Variants in OCA2 observed in about 807,000 individuals in gnomAD.
OCA2 encodes P protein.
A neutral mutation model predicts 100.2 loss-of-function variants in OCA2; 77 were observed. That is an observed-to-expected ratio of 0.77 (90% CI 0.64 to 0.93). The LOEUF is 0.93. Among genes scored for constraint, OCA2 ranks in the 40% least tolerant of loss-of-function variants. OCA2 has a pLI of 0.00. For synonymous variants in OCA2, 432 were observed against 439.2 expected, an observed-to-expected ratio of 0.98 and a Z score of 0.21; for missense variants, 1,062 against 1,089.1, an observed-to-expected ratio of 0.98 and a Z score of 0.35.
intron 9 of OCA2, among the ~76,000 whole-genome samples, chr15:27,991,792 T>C (rs1047648136): frequency 6.6e-6 from 1 of 152,222 alleles, no homozygotes; most frequent in Admixed American, 6.5e-5. Flanking sequence ...GCATGCATTA[T>C]TCATTTCTTA....
At chr15:27,799,741 T>C (rs998479395) in intron 23 of OCA2, among the ~76,000 whole-genome samples, 2 of 102,562 alleles carry the variant, frequency 2.0e-5, no homozygotes, top group African/African-American at 7.0e-5. Flanking sequence ...CAAGACTCCG[T>C]CTAAAAAAAA....
At chr15:27,726,661 G>C in the OCA2 span, among the ~76,000 whole-genome samples, 1 of 152,220 alleles carries the variant, frequency 6.6e-6, no homozygotes. Flanking sequence ...TCCTGAAGAG[G>C]AGAGACCAGA....
rs149065805 is a variant in OCA2 at position 27,769,706 on chromosome 15, T to C, written c.2433-14234A>G. ...GTTTTTAAACAAAAAGCCATTTGGC[T>C]GTCGCCCTTCTACAAAGGTAACACA... On this transcript the variant is annotated intron_variant, in intron 23 of 23. Coordinates refer to ENST00000354638, the MANE Select transcript of OCA2 (RefSeq NM_000275.3). Among the ~76,000 whole-genome samples, 1,252 of 152,384 alleles carry C rather than the reference T, an allele frequency of 8.2e-3. 19 individuals carry two copies. Among genetic ancestry groups the C allele is most frequent in the African/African-American group, 0.028 (1,168 of 41,594 alleles).
intron 23 of OCA2, among the ~76,000 whole-genome samples, chr15:27,804,855 A>G (rs1011942747): frequency 6.6e-6 from 1 of 152,186 alleles, no homozygotes; most frequent in African/African-American, 2.4e-5. Flanking sequence ...GTTCCTTAGG[A>G]GAGGTGTTCA....
chr15:27,950,243 G>A (rs1258754759), intron 18 of OCA2, among the ~76,000 whole-genome samples: 5 of 152,224 alleles, frequency 3.3e-5, no homozygotes, highest in Admixed American at 1.3e-4. Context: ...ATAAAATCAG[G>A]AGCAAAATTA....
chr15:28,068,861 T>C (rs529548349), intron 2 of OCA2, among the ~76,000 whole-genome samples: 4 of 152,316 alleles, frequency 2.6e-5, no homozygotes, highest in South Asian at 2.1e-4. Context: ...TCTCAATAGA[T>C]GCAGAAAAAG....
chr15:28,066,425 C>A (rs918238585), intron 2 of OCA2, among the ~76,000 whole-genome samples: 1 of 151,908 alleles, frequency 6.6e-6, no homozygotes, highest in Non-Finnish European at 1.5e-5. Context: ...GGGTGGGAGG[C>A]GTTAGATATG....
intron 19 of OCA2, among the ~76,000 whole-genome samples, chr15:27,880,479 C>A (rs1334298470): frequency 2.6e-5 from 4 of 152,174 alleles, no homozygotes; most frequent in African/African-American, 7.2e-5. Flanking sequence ...ATTCTTCTTC[C>A]TATCCATGAA....
chr15:27,843,741 A>G (rs2035427932), intron 23 of OCA2, among the ~76,000 whole-genome samples: 1 of 152,170 alleles, frequency 6.6e-6, no homozygotes, highest in South Asian at 2.1e-4. Flanking sequence ...GGAAATGGCC[A>G]ATATAATAAG....
intron 19 of OCA2, among the ~76,000 whole-genome samples, chr15:27,906,214 G>T (rs1166460674): frequency 6.6e-6 from 1 of 152,178 alleles, no homozygotes; most frequent in Non-Finnish European, 1.5e-5. Context: ...ATAAATGTTT[G>T]AGGTTATGGA....
chr15:28,000,623 C>T (rs927739951), intron 9 of OCA2, among the ~76,000 whole-genome samples: 1 of 152,026 alleles, frequency 6.6e-6, no homozygotes, highest in Non-Finnish European at 1.5e-5. Context: ...GGAACCATAT[C>T]AAATTAAAAA....
intron 9 of OCA2, among the ~76,000 whole-genome samples, chr15:28,004,162 A>G (rs1441535253): frequency 2.0e-5 from 3 of 152,252 alleles, no homozygotes; most frequent in African/African-American, 7.2e-5. Flanking sequence ...TGTTTTCAAC[A>G]TGGAAAAGCA....
chr15:27,864,032 A>G (rs1216774623), intron 21 of OCA2, among the ~76,000 whole-genome samples: 1 of 152,058 alleles, frequency 6.6e-6, no homozygotes, highest in Non-Finnish European at 1.5e-5. Flanking sequence ...TCTGTGGACC[A>G]TGGAAGATGG....
chr15:27,842,114 T>G (rs1162836067), intron 23 of OCA2, among the ~76,000 whole-genome samples: 2 of 152,222 alleles, frequency 1.3e-5, no homozygotes, highest in Admixed American at 1.3e-4. Flanking sequence ...CAATGTAAAA[T>G]AAACCAGGAT....
chr15:27,848,509 A>C (rs1326056436), intron 22 of OCA2, among the ~76,000 whole-genome samples: 1 of 152,174 alleles, frequency 6.6e-6, no homozygotes, highest in African/African-American at 2.4e-5. Context: ...CCATTGACGG[A>C]GAAGCACAGG....
At chr15:27,798,625 C>A (rs991738015) in intron 23 of OCA2, among the ~76,000 whole-genome samples, 1 of 151,326 alleles carries the variant, frequency 6.6e-6, no homozygotes, top group South Asian at 2.1e-4. Context: ...TCTTCCTGAA[C>A]TTTTCTTATT....
intron 15 of OCA2, among the ~76,000 whole-genome samples, chr15:27,958,289 C>T (rs1321888941): frequency 2.6e-5 from 4 of 152,266 alleles, no homozygotes; most frequent in Non-Finnish European, 5.9e-5. Context: ...CACATCAAAG[C>T]TAGCACCCAA....
chr15:27,954,962 C>T (rs2040170328), intron 17 of OCA2, among the ~76,000 whole-genome samples, 196 bp downstream of exon 17: 1 of 152,232 alleles, frequency 6.6e-6, no homozygotes, highest in South Asian at 2.1e-4. Context: ...CTTTCCACAT[C>T]CTCACAAAAT....
At chr15:27,991,361 G>T (rs2041548934) in intron 9 of OCA2, among the ~76,000 whole-genome samples, 1 of 152,142 alleles carries the variant, frequency 6.6e-6, no homozygotes, top group Non-Finnish European at 1.5e-5. Flanking sequence ...ATACAAAGGA[G>T]GCGAAAACTG....
Sources: gnomAD v4.1 joint callset for allele counts (sites outside exome capture counted in the v4.1 genomes callset) on GRCh38, gnomAD v4.1.1 for gene constraint, MANE v1.5 for transcripts, NCBI Gene and HGNC (gene_info 2026-07-23, HGNC 2026-07-21) for gene names.